The following ZC4H2 variants were observed in gnomAD, a reference collection of about 807,000 sequenced individuals.
The protein encoded by ZC4H2 is zinc finger C4H2 domain-containing protein.
For missense variants in ZC4H2, 137 were observed against 173.9 expected, an observed-to-expected ratio of 0.79 and a Z score of 1.19; for synonymous variants, 84 against 66.3, an observed-to-expected ratio of 1.27 and a Z score of -1.30.
chrX:64,934,278 C>T (rs1929889682), intron 1 of ZC4H2, among the ~76,000 whole-genome samples: 1 of 112,291 alleles, frequency 8.9e-6, no homozygotes, highest in South Asian at 3.7e-4. Flanking sequence ...ATTTTTACTC[C>T]ATTGTAACAT....
intron 1 of ZC4H2, among the ~76,000 whole-genome samples, chrX:64,964,026 G>A (rs1005928736): frequency 2.7e-5 from 3 of 110,675 alleles, no homozygotes; most frequent in African/African-American, 3.3e-5. Flanking sequence ...CAGTTGCTAG[G>A]AACTGAAGGA....
chrX:65,030,618 C>T (rs897632319), intron 1 of ZC4H2, among the ~76,000 whole-genome samples: 2 of 111,832 alleles, frequency 1.8e-5, no homozygotes, highest in African/African-American at 6.5e-5. Context: ...AATATTTGTA[C>T]TAGACTCCTA....
At chrX:65,032,806 CTTG>C (rs1932952102) in intron 1 of ZC4H2, among the ~76,000 whole-genome samples, 1 of 102,132 alleles carries the variant, frequency 9.8e-6, no homozygotes, top group Non-Finnish European at 1.9e-5. Flanking sequence ...GGGACGGAGT[CTTG>C]TTGTGTCGCC....
chrX:64,917,908 C>T lies in ZC4H2; in HGVS notation c.562-12G>A. On this transcript the variant is annotated splice_polypyrimidine_tract_variant and intron_variant, in intron 4 of 4. Coordinates refer to ENST00000374839, the MANE Select transcript of ZC4H2 (RefSeq NM_018684.4). ...CATGACAAGCAGGCCTGGTGAGGGA[C>T]ACAGGAAAAAGAAAGTTAGTAGTCA... 8.3e-7 allele frequency: 1 copy of T among 1,199,411 alleles called. No individual in the cohort carries two copies.
intron 1 of ZC4H2, among the ~76,000 whole-genome samples, chrX:65,033,390 C>T (rs1173911449): frequency 8.9e-6 from 1 of 111,896 alleles, no homozygotes; most frequent in Non-Finnish European, 1.9e-5. Context: ...TGGATATTTA[C>T]ATGTTAATTA....
At chrX:65,030,740 G>A (rs1020532650) in intron 1 of ZC4H2, among the ~76,000 whole-genome samples, 9 of 110,731 alleles carry the variant, frequency 8.1e-5, no homozygotes, top group Admixed American at 4.8e-4. Context: ...TTCAGTTTTA[G>A]CAAGAATCCT....
chrX:64,947,810 C>G (rs1930609043), intron 1 of ZC4H2, among the ~76,000 whole-genome samples: 2 of 110,514 alleles, frequency 1.8e-5, no homozygotes, highest in South Asian at 7.6e-4. Context: ...CCAGTTGTTT[C>G]TGTACCTCAC....
intron 1 of ZC4H2, among the ~76,000 whole-genome samples, chrX:64,987,987 T>C (rs1932225448): frequency 9.6e-6 from 1 of 104,014 alleles, no homozygotes; most frequent in African/African-American, 3.5e-5. Context: ...ATGCAGTGTT[T>C]GGTTTTCTGT....
At chrX:65,026,138 A>G (rs934775911) in intron 1 of ZC4H2, among the ~76,000 whole-genome samples, 1 of 111,864 alleles carries the variant, frequency 8.9e-6, no homozygotes, top group Non-Finnish European at 1.9e-5. Flanking sequence ...CCCTTTATTA[A>G]ATCTGACCTA....
intron 1 of ZC4H2, among the ~76,000 whole-genome samples, chrX:65,017,830 C>G (rs2147289750): frequency 8.9e-6 from 1 of 112,015 alleles, no homozygotes; most frequent in African/African-American, 3.2e-5. Flanking sequence ...TTGCTGTTAC[C>G]AAGCCTATTG....
chrX:64,988,208 T>C (rs1932232563), intron 1 of ZC4H2, among the ~76,000 whole-genome samples: 1 of 110,913 alleles, frequency 9.0e-6, no homozygotes, highest in Middle Eastern at 4.3e-3. Flanking sequence ...TGTGCATGTG[T>C]CTTTATAGCA....
intron 1 of ZC4H2, among the ~76,000 whole-genome samples, chrX:64,942,537 T>C (rs778437293): frequency 9.9e-6 from 1 of 101,275 alleles, no homozygotes; most frequent in East Asian, 3.3e-4. Context: ...TGTGCCTGTA[T>C]GTTCTCATTG....
chrX:65,012,863 C>T (rs1204263554), intron 1 of ZC4H2, among the ~76,000 whole-genome samples: 1 of 111,448 alleles, frequency 9.0e-6, no homozygotes, highest in Non-Finnish European at 1.9e-5. Context: ...TATCCATATT[C>T]GTGGCAGGAA....
At position 65,028,536 on chromosome X, in the gene ZC4H2, A is replaced by ATT. The variant is rs11413970; in HGVS notation, c.-272+6091_-272+6092dup. Among the ~76,000 whole-genome samples, 31 of 102,440 alleles carry ATT rather than the reference A, an allele frequency of 3.0e-4. 1 individual carries two copies. Among genetic ancestry groups the ATT allele is most frequent in the South Asian group, 1.3e-3 (3 of 2,308 alleles). 89.0% of individuals were successfully genotyped at this position (102,440 alleles called of 115,157 possible). ...ACAATACCAGGGTCTCCCTTTGGGG[A>ATT]TTTTTTTTTTTTTGAGACAGAGTCT... On this transcript the variant is annotated intron_variant, in intron 1 of 4. Coordinates refer to the ZC4H2 transcript ENST00000337990.
chrX:64,948,210 A>C (rs1251030623), intron 1 of ZC4H2, among the ~76,000 whole-genome samples: 2 of 111,401 alleles, frequency 1.8e-5, no homozygotes, highest in Non-Finnish European at 3.8e-5. Flanking sequence ...TCTCATCCAA[A>C]CTTGGTTTAT....
At chrX:64,947,843 C>T (rs1345058072) in intron 1 of ZC4H2, among the ~76,000 whole-genome samples, 1 of 101,148 alleles carries the variant, frequency 9.9e-6, no homozygotes, top group Non-Finnish European at 1.9e-5. Context: ...TATGTCACTT[C>T]TCTTTTTTTT....
chrX:64,917,679 A>G lies in ZC4H2; in HGVS notation c.*104T>C. ...TTGTGCTTCCATCACATTAAATAGGAGACTTCGTGGGGTTGGGCAAGGGTT... is the reference window on the plus strand; with the variant it reads ...TTGTGCTTCCATCACATTAAATAGGGGACTTCGTGGGGTTGGGCAAGGGTT... On this transcript the variant is annotated 3_prime_UTR_variant, in exon 5 of 5. Transcript: ENST00000374839. 9.2e-7 allele frequency: 1 copy of G among 1,090,503 alleles called. No homozygotes were observed. Among genetic ancestry groups the G allele is most frequent in the Non-Finnish European group, 1.2e-6 (1 of 815,413 alleles). The allele number at this position is 1,090,503 out of a possible 1,213,427, so 89.9% of individuals were successfully genotyped here. A position where few individuals can be genotyped will look rare whatever the true frequency, so the allele number is the denominator to read the frequency against.
At chrX:64,941,089 C>A (rs1232483033) in intron 1 of ZC4H2, among the ~76,000 whole-genome samples, 1 of 111,432 alleles carries the variant, frequency 9.0e-6, no homozygotes, top group East Asian at 2.8e-4. Flanking sequence ...GTTTGTAGTT[C>A]TCCTTGAAGC....
chrX:64,927,192 G>A (rs1430888416), intron 1 of ZC4H2, among the ~76,000 whole-genome samples: 3 of 110,286 alleles, frequency 2.7e-5, no homozygotes, highest in Admixed American at 1.9e-4. Context: ...ATGCAGGTTT[G>A]TTACATAGGT....
Sources: gnomAD v4.1 joint callset for allele counts (sites outside exome capture counted in the v4.1 genomes callset) on GRCh38, gnomAD v4.1.1 for gene constraint, MANE v1.5 for transcripts, NCBI Gene and HGNC (gene_info 2026-07-23, HGNC 2026-07-21) for gene names.